GMEB1: variants seen among roughly 807,000 people sequenced by gnomAD.
GMEB1 encodes glucocorticoid modulatory element binding protein 1.
GMEB1 carries 6 observed loss-of-function variants against 52.4 expected under a neutral mutation model. That is an observed-to-expected ratio of 0.11 (90% CI 0.06 to 0.23). The LOEUF (loss-of-function observed/expected upper bound fraction) is 0.23, where lower values mean the gene tolerates loss of function less well. Ranked by LOEUF, GMEB1 falls within the 10% of genes least tolerant of loss-of-function variation. The pLI, the probability that GMEB1 is intolerant of heterozygous loss-of-function variation, is 1.00. For missense variants in GMEB1, 486 were observed against 685.6 expected (o/e 0.71, Z 3.25); for synonymous variants, 255 against 244.9 (o/e 1.04, Z -0.38).
rs560088033 is a variant in GMEB1 at position 28,716,623 on chromosome 1, A to C, written c.*1850A>C. On this transcript the variant is annotated 3_prime_UTR_variant, in exon 10 of 10. Transcript: ENST00000373816. ...TTGGCAGAGAGGACTCAACACCCCC[A>C]GGCTTTCCTGAGGCACCAACTAGAT... is the stretch of plus-strand genomic sequence containing the variant. 1 of 152,108 alleles carries C rather than the reference A, an allele frequency of 6.6e-6. No homozygotes were observed. Among genetic ancestry groups the C allele is most frequent in the South Asian group, 2.1e-4 (1 of 4,826 alleles). The allele number at this position is 152,108 out of a possible 1,614,324, so 9.4% of individuals were successfully genotyped here.
chr1:28,699,549 C>T (rs1168451162), intron 6 of GMEB1, among the ~76,000 whole-genome samples: 1 of 151,970 alleles, frequency 6.6e-6, no homozygotes, highest in Non-Finnish European at 1.5e-5. Context: ...CCTGCCTCAG[C>T]CTCCCGTGTA....
At chr1:28,670,736 G>A (rs1456916455) in intron 1 of GMEB1, among the ~76,000 whole-genome samples, 1 of 152,144 alleles carries the variant, frequency 6.6e-6, no homozygotes, top group East Asian at 1.9e-4. Flanking sequence ...GCCTCCTAAA[G>A]TGCTGGTATT....
intron 1 of GMEB1, among the ~76,000 whole-genome samples, chr1:28,678,023 A>G (rs1246779043): frequency 1.3e-5 from 2 of 151,888 alleles, no homozygotes; most frequent in African/African-American, 2.4e-5. Context: ...GTCTCTACTA[A>G]AAATACAAAA....
intron 4 of GMEB1, among the ~76,000 whole-genome samples, chr1:28,692,158 G>A (rs1669996131): frequency 6.6e-6 from 1 of 151,800 alleles, no homozygotes; most frequent in African/African-American, 2.4e-5. Flanking sequence ...CCACAGGTGT[G>A]CACCACTGTG....
intron 1 of GMEB1, among the ~76,000 whole-genome samples, chr1:28,671,186 T>C (rs1487472724): frequency 6.6e-6 from 1 of 152,208 alleles, no homozygotes; most frequent in Non-Finnish European, 1.5e-5. Flanking sequence ...TCAAGGAGTT[T>C]TGGCCTCAAG....
At chr1:28,702,132 T>G (rs1670546486) in intron 6 of GMEB1, among the ~76,000 whole-genome samples, 1 of 152,224 alleles carries the variant, frequency 6.6e-6, no homozygotes, top group Non-Finnish European at 1.5e-5. Context: ...TAGTAATGTC[T>G]ATCTTCAATC....
At chr1:28,708,049 C>T (rs1570434864) in intron 8 of GMEB1, among the ~76,000 whole-genome samples, 2 of 152,226 alleles carry the variant, frequency 1.3e-5, no homozygotes, top group Admixed American at 1.3e-4. Flanking sequence ...CAGGCACATA[C>T]CACCACACCT....
chr1:28,685,095 G>C (rs1055713900), intron 2 of GMEB1, among the ~76,000 whole-genome samples: 8 of 152,108 alleles, frequency 5.3e-5, no homozygotes, highest in African/African-American at 1.9e-4. Context: ...GCAAGGCAAC[G>C]ACCATAAATT....
chr1:28,674,714 T>A (rs987018763), intron 1 of GMEB1, among the ~76,000 whole-genome samples: 6 of 120,748 alleles, frequency 5.0e-5, no homozygotes, highest in African/African-American at 1.7e-4. Context: ...AATTCTTTTT[T>A]TTTTTTTTTT....
intron 2 of GMEB1, 195 bp from the exon 3 acceptor site, chr1:28,689,909 T>G (rs761556321): frequency 1.3e-4 from 62 of 472,674 alleles, no homozygotes; most frequent in East Asian, 1.4e-4. Context: ...GTGGATTCAT[T>G]TTCATGGTAG....
chr1:28,668,651 G>A (rs954177639), upstream of GMEB1: 1 of 153,442 alleles, frequency 6.5e-6, no homozygotes, highest in African/African-American at 2.4e-5. Context: ...CTTGGCTAAG[G>A]TTAATCCTCG....
chr1:28,673,021 G>A (rs1478432797), intron 1 of GMEB1, among the ~76,000 whole-genome samples: 2 of 151,874 alleles, frequency 1.3e-5, no homozygotes, highest in East Asian at 1.9e-4. Context: ...TCAGCTTCCC[G>A]AGTAGATAGG....
intron 3 of GMEB1, 88 bp from the exon 4 acceptor site, chr1:28,691,497 C>G (rs1339014578): frequency 2.1e-6 from 2 of 959,392 alleles, no homozygotes; most frequent in Admixed American, 2.2e-5. Context: ...GTATTAGTCC[C>G]TTAGAGGAAC....
At chr1:28,702,604 T>G in intron 7 of GMEB1, 35 bp downstream of exon 7, 1 of 1,599,262 alleles carries the variant, frequency 6.3e-7, no homozygotes, top group Non-Finnish European at 8.6e-7. Context: ...TCTTGCAGGG[T>G]CTTGTGAGCC....
At chr1:28,674,406 A>AT (rs1455809261) in intron 1 of GMEB1, among the ~76,000 whole-genome samples, 1 of 151,936 alleles carries the variant, frequency 6.6e-6, no homozygotes, top group African/African-American at 2.4e-5. Context: ...TTATTTATTT[A>AT]TTTATTTTTT....
intron 6 of GMEB1, among the ~76,000 whole-genome samples, chr1:28,698,155 G>C (rs1269581482): frequency 3.3e-5 from 5 of 151,362 alleles, no homozygotes; most frequent in Non-Finnish European, 7.4e-5. Flanking sequence ...AGAAAAATGA[G>C]GTCAAGAGAT....
At position 28,712,712 on chromosome 1, in the gene GMEB1, G is replaced by A. The variant is rs186419884; in HGVS notation, c.992-1361G>A. Among the ~76,000 whole-genome samples, 792 of 151,938 alleles carry A rather than the reference G, an allele frequency of 5.2e-3. 3 individuals are homozygous for A. The highest frequency in any genetic ancestry group is 0.016 in the African/African-American group (671 of 41,446). ...TGCATGCCTGTAGTCCCATCTACTC[G>A]GGAGGCTGAGGCAGGAGAATCACTT... On this transcript the variant is annotated intron_variant, in intron 9 of 9. Transcript: ENST00000373816.
intron 1 of GMEB1, among the ~76,000 whole-genome samples, chr1:28,674,779 C>T (rs557243339): frequency 9.7e-5 from 11 of 113,104 alleles, no homozygotes; most frequent in African/African-American, 2.8e-4. Context: ...AGTGCAGTGG[C>T]GGGATCTTGG....
At chr1:28,688,688 T>C (rs1190463232) in intron 2 of GMEB1, among the ~76,000 whole-genome samples, 1 of 151,884 alleles carries the variant, frequency 6.6e-6, no homozygotes, top group Non-Finnish European at 1.5e-5. Context: ...GATGCTAAAA[T>C]GCTAAAAACA....
Sources: gnomAD v4.1 joint callset for allele counts (sites outside exome capture counted in the v4.1 genomes callset) on GRCh38, gnomAD v4.1.1 for gene constraint, MANE v1.5 for transcripts, NCBI Gene and HGNC (gene_info 2026-07-23, HGNC 2026-07-21) for gene names.